GCNT2: variants seen among roughly 807,000 people sequenced by gnomAD.
The protein encoded by GCNT2 is N-acetyllactosaminide beta-1,6-N-acetylglucosaminyl-transferase.
In GCNT2, 34 loss-of-function variants were observed where a neutral mutation model predicts 34.2. The observed-to-expected ratio is 1.00, with a 90% CI of 0.76 to 1.32. GCNT2 has a LOEUF of 1.32. Among genes scored for constraint, GCNT2 ranks in the 40% most tolerant of loss-of-function variants. The pLI is 0.00. For missense variants in GCNT2, 584 were observed against 489.4 expected (o/e 1.19, Z -1.82); for synonymous variants, 212 against 188.0 (o/e 1.13, Z -1.04).
chr6:10,560,671 C>A lies in GCNT2; in HGVS notation c.925+30835C>A, dbSNP rs75064620. Among the ~76,000 whole-genome samples, 683 of 151,916 alleles carry A rather than the reference C, an allele frequency of 4.5e-3. 4 individuals are homozygous for A. The highest frequency in any genetic ancestry group is 7.1e-3 in the Non-Finnish European group (485 of 67,948). On this transcript the variant is annotated intron_variant, in intron 3 of 4. Coordinates refer to ENST00000495262, the MANE Select transcript of GCNT2 (RefSeq NM_145649.5). The stretch of plus-strand genomic sequence containing the variant: ...TCAGAAAACAAAGTGAAAATCGGTT[C>A]GAATTGGCGAGACTGAATAGAAGGG...
At chr6:10,574,110 C>G (rs150359000) in intron 3 of GCNT2, among the ~76,000 whole-genome samples, 1 of 152,170 alleles carries the variant, frequency 6.6e-6, no homozygotes, top group African/African-American at 2.4e-5. Context: ...ATGGGGTCAG[C>G]GTTCTTAATG....
intron 3 of GCNT2, among the ~76,000 whole-genome samples, chr6:10,562,678 CA>C (rs970544728): frequency 9.5e-5 from 10 of 105,072 alleles, no homozygotes; most frequent in South Asian, 3.3e-4. Context: ...AAAAAAAAAA[CA>C]AAAAAAAACC....
At chr6:10,599,131 C>CTGAACA (rs1287413687) in intron 3 of GCNT2, among the ~76,000 whole-genome samples, 3 of 152,130 alleles carry the variant, frequency 2.0e-5, no homozygotes, top group Admixed American at 2.0e-4. Flanking sequence ...GCTTGAATTC[C>CTGAACA]CTCCGTCCCT....
chr6:10,618,777 A>G (rs1434614486), intron 3 of GCNT2, among the ~76,000 whole-genome samples: 2 of 152,244 alleles, frequency 1.3e-5, no homozygotes, highest in African/African-American at 4.8e-5. Context: ...GCATCAAAAT[A>G]ATTGTAAAGT....
In GCNT2 at chr6:10,575,142, G is replaced by A. The variant is rs567955814; in HGVS notation, c.925+45306G>A. The A allele has an allele frequency of 2.4e-3, 994 of 420,670 alleles. 30 individuals are homozygous for A. The South Asian group carries it at 0.025, about 10-fold the overall frequency. 26.1% of individuals were successfully genotyped at this position (420,670 alleles called of 1,614,324 possible). The stretch of plus-strand genomic sequence containing the variant: ...ACCTTTCTTATAGATTCACATATAC[G>A]TGGCCAAAGGAACAACTCCATGTTT... On this transcript the variant is annotated intron_variant, in intron 3 of 4. Transcript: ENST00000495262.
chr6:10,565,119 G>A lies in GCNT2; in HGVS notation c.925+35283G>A, dbSNP rs375785976. On this transcript the variant is annotated intron_variant, in intron 3 of 4. Coordinates refer to ENST00000495262, the MANE Select transcript of GCNT2 (RefSeq NM_145649.5). ...GGGAATAGGGATCGCAAAGGTCGTG[G>A]GTGAGCCTGGTGTCTGCAGAGCCAG... Among the ~76,000 whole-genome samples the A allele has an allele frequency of 1.6e-4, 24 of 152,316 alleles. No homozygotes were observed. In the East Asian group the frequency reaches 2.5e-3, roughly 16 times the overall value.
chr6:10,565,010 G>C (rs1359526281), intron 3 of GCNT2, among the ~76,000 whole-genome samples: 2 of 152,216 alleles, frequency 1.3e-5, no homozygotes, highest in Non-Finnish European at 1.5e-5. Flanking sequence ...GGACAGGAAG[G>C]CTTCTTGGCA....
intron 3 of GCNT2, among the ~76,000 whole-genome samples, chr6:10,563,684 G>A (rs1763120043): frequency 2.0e-5 from 3 of 149,346 alleles, no homozygotes; most frequent in Non-Finnish European, 3.0e-5. Flanking sequence ...GGAGCTTGCA[G>A]TGAGCCGAGA....
chr6:10,569,275 C>CACACACACACCCACACACACACA (rs1491437125), intron 3 of GCNT2, among the ~76,000 whole-genome samples: 1 of 101,332 alleles, frequency 9.9e-6, no homozygotes, highest in East Asian at 3.0e-4. Context: ...ACACACACAC[C>CACACACACACCCACACACACACA]CCCTAGGTAA....
rs548744387 is a variant in GCNT2 at position 10,607,033 on chromosome 6, G to A, written c.926-14318G>A. Among the ~76,000 whole-genome samples, 251 of 152,024 alleles carry A rather than the reference G, an allele frequency of 1.7e-3. 1 individual carries two copies. The highest frequency in any genetic ancestry group is 2.8e-3 in the Non-Finnish European group (193 of 67,974). On this transcript the variant is annotated intron_variant, in intron 3 of 4. Coordinates refer to ENST00000495262, the MANE Select transcript of GCNT2 (RefSeq NM_145649.5). ...GTGACCTCGGCTCACTGCAACCACC[G>A]CCTTCCGGGTTCAAGCGATTCTCCT... is the stretch of plus-strand genomic sequence containing the variant.
At chr6:10,580,040 C>T (rs1448724242) in intron 3 of GCNT2, among the ~76,000 whole-genome samples, 2 of 152,022 alleles carry the variant, frequency 1.3e-5, no homozygotes, top group East Asian at 1.9e-4. Flanking sequence ...ATTTTATGAT[C>T]GTGTCTAAAC....
At chr6:10,540,501 T>TTAACAATTTG (rs1761991302) in intron 3 of GCNT2, among the ~76,000 whole-genome samples, 1 of 152,116 alleles carries the variant, frequency 6.6e-6, no homozygotes, top group Non-Finnish European at 1.5e-5. Flanking sequence ...CCATTGCATC[T>TTAACAATTTG]TAACAATTTG....
At chr6:10,555,470 C>T (rs1369882527) in intron 3 of GCNT2, among the ~76,000 whole-genome samples, 1 of 152,118 alleles carries the variant, frequency 6.6e-6, no homozygotes, top group Non-Finnish European at 1.5e-5. Context: ...GGGGTTAAAG[C>T]CTGAATGCCC....
intron 3 of GCNT2, among the ~76,000 whole-genome samples, chr6:10,608,030 G>A (rs1489264822): frequency 2.7e-5 from 4 of 150,354 alleles, no homozygotes; most frequent in African/African-American, 7.4e-5. Flanking sequence ...ACTTCCTTGA[G>A]ACAGATTCCA....
intron 3 of GCNT2, among the ~76,000 whole-genome samples, chr6:10,562,202 G>C (rs889554658): frequency 6.6e-6 from 1 of 152,066 alleles, no homozygotes; most frequent in African/African-American, 2.4e-5. Context: ...GGGCAGTCCT[G>C]GGCATGGGAC....
chr6:10,585,080 C>T (rs1749053), intron 3 of GCNT2, among the ~76,000 whole-genome samples: 242 of 84,758 alleles, frequency 2.9e-3, no homozygotes, highest in South Asian at 7.8e-3. Flanking sequence ...TGTGTGTGTG[C>T]GCGCTATATT....
chr6:10,557,307 A>T (rs1762765358), intron 3 of GCNT2: 15 of 1,614,000 alleles, frequency 9.3e-6, no homozygotes, highest in Non-Finnish European at 1.3e-5. Flanking sequence ...TTCAGTCCTG[A>T]TGAGCATTTC....
chr6:10,560,316 C>T (rs1354928971), intron 3 of GCNT2, among the ~76,000 whole-genome samples: 1 of 152,070 alleles, frequency 6.6e-6, no homozygotes, highest in Non-Finnish European at 1.5e-5. Context: ...GTCTCGAATT[C>T]CTGAGCTCAG....
intron 3 of GCNT2, among the ~76,000 whole-genome samples, chr6:10,564,450 C>G (rs1008069167): frequency 6.6e-6 from 1 of 152,210 alleles, no homozygotes; most frequent in Non-Finnish European, 1.5e-5. Context: ...CTGGCTCTTC[C>G]TGGAGTGTAG....
Sources: allele counts gnomAD v4.1 joint callset (sites outside exome capture counted in the v4.1 genomes callset), GRCh38; gene constraint gnomAD v4.1.1; transcripts MANE v1.5; gene names NCBI Gene and HGNC (gene_info 2026-07-23, HGNC 2026-07-21).